Variants in RORA observed in about 807,000 individuals in gnomAD.
The protein encoded by RORA is nuclear receptor ROR-alpha.
RORA carries 7 observed loss-of-function variants against 69.5 expected under a neutral mutation model. That is an observed-to-expected ratio of 0.10 (90% CI 0.06 to 0.19). The LOEUF (loss-of-function observed/expected upper bound fraction) is 0.19, where lower values mean the gene tolerates loss of function less well. Ranked by LOEUF, RORA falls within the 10% of genes least tolerant of loss-of-function variation. RORA has a pLI of 1.00. For synonymous variants in RORA, 261 were observed against 240.8 expected (o/e 1.08, Z -0.78); for missense variants, 457 against 663.0 (o/e 0.69, Z 3.41).
chr15:60,538,999 G>GCGCACA (rs146788676), intron 2 of RORA, among the ~76,000 whole-genome samples: 3 of 149,968 alleles, frequency 2.0e-5, no homozygotes, highest in Non-Finnish European at 3.0e-5. Flanking sequence ...CCTGCCAAAT[G>GCGCACA]CACACACACA....
chr15:61,083,035 C>T (rs919053841), intron 1 of RORA, among the ~76,000 whole-genome samples: 6 of 152,176 alleles, frequency 3.9e-5, no homozygotes, highest in African/African-American at 1.4e-4. Context: ...TTCCTTTTCG[C>T]CTTTCCACAT....
chr15:60,876,970 A>G (rs1012624817), intron 1 of RORA, among the ~76,000 whole-genome samples: 2 of 152,200 alleles, frequency 1.3e-5, no homozygotes, highest in African/African-American at 2.4e-5. Context: ...GAGGGTGGGA[A>G]GAGGGAGAGG....
At chr15:61,171,814 G>C (rs1164623986) in intron 1 of RORA, among the ~76,000 whole-genome samples, 1 of 152,146 alleles carries the variant, frequency 6.6e-6, no homozygotes, top group South Asian at 2.1e-4. Flanking sequence ...GACACAAAAC[G>C]TTGCCTTTGA....
intron 1 of RORA, among the ~76,000 whole-genome samples, chr15:60,843,482 T>C (rs2073226645): frequency 6.6e-6 from 1 of 152,136 alleles, no homozygotes; most frequent in South Asian, 2.1e-4. Context: ...GCTCTTTCCC[T>C]CTCCCTGTGA....
At chr15:60,949,260 T>A (rs957790622) in intron 1 of RORA, among the ~76,000 whole-genome samples, 5 of 152,078 alleles carry the variant, frequency 3.3e-5, no homozygotes, top group African/African-American at 1.2e-4. Context: ...AGCCAAACTG[T>A]CTCCTACTAT....
intron 1 of RORA, among the ~76,000 whole-genome samples, chr15:60,712,307 T>C (rs1462611449): frequency 1.3e-5 from 2 of 152,072 alleles, no homozygotes; most frequent in Admixed American, 1.3e-4. Flanking sequence ...TTTAAAAAGG[T>C]GTGTTTTGTT....
intron 1 of RORA, among the ~76,000 whole-genome samples, chr15:61,048,494 C>T (rs768387362): frequency 4.6e-5 from 7 of 152,178 alleles, no homozygotes; most frequent in South Asian, 2.1e-4. Context: ...ACTCCTGTCC[C>T]GGGGGAACTG....
chr15:60,965,043 AT>A, intron 1 of RORA, among the ~76,000 whole-genome samples: 1 of 152,300 alleles, frequency 6.6e-6, no homozygotes, highest in South Asian at 2.1e-4. Context: ...GCAAACATTT[AT>A]TGAGTGCCAA....
intron 3 of RORA, among the ~76,000 whole-genome samples, chr15:60,516,994 A>G (rs79204020): frequency 2.2e-3 from 336 of 150,706 alleles, no homozygotes; most frequent in African/African-American, 7.7e-3. Flanking sequence ...AGTTTTGTGG[A>G]AAAAAAGGAC....
intron 1 of RORA, among the ~76,000 whole-genome samples, chr15:61,024,363 G>C (rs1895693627): frequency 6.8e-6 from 1 of 147,068 alleles, no homozygotes; most frequent in African/African-American, 2.5e-5. Flanking sequence ...AGTTCGGTGA[G>C]GCTTTCACCT....
At chr15:60,819,767 A>ACACACACACACACACGCGCG (rs1555455768) in intron 1 of RORA, among the ~76,000 whole-genome samples, 1 of 147,532 alleles carries the variant, frequency 6.8e-6, no homozygotes, top group Admixed American at 6.9e-5. Context: ...ACACACACAC[A>ACACACACACACACACGCGCG]CACACACACA....
intron 1 of RORA, among the ~76,000 whole-genome samples, chr15:60,743,899 A>AATC (rs1334852027): frequency 6.6e-6 from 1 of 152,194 alleles, no homozygotes; most frequent in Non-Finnish European, 1.5e-5. Context: ...TTATTTTTCC[A>AATC]ATCAGAGTCA....
At position 60,910,289 on chromosome 15, in the gene RORA, G is replaced by A. The variant is rs768796348; in HGVS notation, c.167-231603C>T. Among the ~76,000 whole-genome samples, 27 of 152,288 alleles carry A rather than the reference G, an allele frequency of 1.8e-4. No individual in the cohort carries two copies. The East Asian group carries it at 5.0e-3, about 28-fold the overall frequency. On this transcript the variant is annotated intron_variant, in intron 1 of 10. Coordinates refer to ENST00000335670, the MANE Select transcript of RORA (RefSeq NM_134261.3). Reference sequence around the variant, plus strand: ...CTGACTGGATTCCCTAAACCACAGTGGAAACTAACCCAGAATCTTAAAAAT... The same window carrying A: ...CTGACTGGATTCCCTAAACCACAGTAGAAACTAACCCAGAATCTTAAAAAT...
intron 1 of RORA, among the ~76,000 whole-genome samples, chr15:61,163,522 G>A (rs1393973737): frequency 6.6e-6 from 1 of 152,186 alleles, no homozygotes; most frequent in Admixed American, 6.5e-5. Flanking sequence ...ATAGACCTGA[G>A]TCTAATTGTC....
Position 61,075,126 on chromosome 15 carries a change from C to T in RORA, c.166+153927G>A, listed in dbSNP as rs562361878. ...AAGTTTCCAGAGAGTAACAGCGGCA[C>T]GTTCAGATTCAGCATGGACTACTAC... On this transcript the variant is annotated intron_variant, in intron 1 of 10. Coordinates refer to ENST00000335670, the MANE Select transcript of RORA (RefSeq NM_134261.3). 4.6e-5 allele frequency among the ~76,000 whole-genome samples: 7 copies of T among 151,648 alleles called. No homozygotes were observed. The South Asian group carries it at 6.3e-4, about 14-fold the overall frequency.
At chr15:60,568,377 C>A (rs1310731613) in intron 2 of RORA, among the ~76,000 whole-genome samples, 5 of 152,212 alleles carry the variant, frequency 3.3e-5, no homozygotes, top group African/African-American at 1.2e-4. Flanking sequence ...CTCCATGAGG[C>A]AGCATGGCAG....
At position 61,056,310 on chromosome 15, in the gene RORA, C is replaced by G. The variant is rs373373822; in HGVS notation, c.166+172743G>C. ...GGCATCCTTCCATTAGATGAAGAAGCTGAGGTTCAGAGACGTTAAGCATCT... is the reference window on the plus strand; with the variant it reads ...GGCATCCTTCCATTAGATGAAGAAGGTGAGGTTCAGAGACGTTAAGCATCT... On this transcript the variant is annotated intron_variant, in intron 1 of 10. Transcript: ENST00000335670. 1.3e-3 allele frequency among the ~76,000 whole-genome samples: 191 copies of G among 152,294 alleles called. 3 individuals are homozygous for G. The highest frequency in any genetic ancestry group is 4.4e-3 in the African/African-American group (181 of 41,572).
Position 60,826,436 on chromosome 15 carries a change from T to C in RORA, c.167-147750A>G, listed in dbSNP as rs1595745931. 3.3e-5 allele frequency among the ~76,000 whole-genome samples: 5 copies of C among 152,256 alleles called. No homozygotes were observed. In the South Asian group the frequency reaches 1.0e-3, roughly 32 times the overall value. On this transcript the variant is annotated intron_variant, in intron 1 of 10. Coordinates refer to ENST00000335670, the MANE Select transcript of RORA (RefSeq NM_134261.3). ...TTCCAGCCTGGCTGCTGACTTCCCT[T>C]AGCTCAGAGAGGGCCCTTGCTATCA...
intron 1 of RORA, among the ~76,000 whole-genome samples, chr15:61,142,970 C>G (rs1377865832): frequency 1.3e-5 from 2 of 152,036 alleles, no homozygotes; most frequent in African/African-American, 4.8e-5. Context: ...ATTGCCAATA[C>G]CCTATAATTT....
Sources: allele counts gnomAD v4.1 joint callset (sites outside exome capture counted in the v4.1 genomes callset), GRCh38; gene constraint gnomAD v4.1.1; transcripts MANE v1.5; gene names NCBI Gene and HGNC (gene_info 2026-07-23, HGNC 2026-07-21).